The following NEK1 variants were observed in gnomAD, a reference collection of about 807,000 sequenced individuals.
NEK1 encodes the protein serine/threonine-protein kinase Nek1.
A neutral mutation model predicts 182.1 loss-of-function variants in NEK1; 137 were observed. That is an observed-to-expected ratio of 0.75 (90% CI 0.65 to 0.87). The LOEUF is 0.87. Ranked by LOEUF, NEK1 falls within the 40% of genes least tolerant of loss-of-function variation. NEK1 has a pLI of 0.00. For missense variants in NEK1, 1,391 were observed against 1,494.4 expected (o/e 0.93, Z 1.14); for synonymous variants, 513 against 492.2 (o/e 1.04, Z -0.56).
intron 27 of NEK1, among the ~76,000 whole-genome samples, chr4:169,453,665 G>A (rs1165060951): frequency 6.6e-6 from 1 of 152,248 alleles, no homozygotes; most frequent in Non-Finnish European, 1.5e-5. Context: ...TCCTGCTGCA[G>A]TTAACTAGCC....
At chr4:169,577,119 T>TACA (rs1561449063) in intron 11 of NEK1, 40 bp from the exon 12 acceptor site, 1 of 1,595,504 alleles carries the variant, frequency 6.3e-7, no homozygotes. Context: ...TGCAGTTCTT[T>TACA]ACATTAACTC....
At chr4:169,609,902 A>C (rs1052275805) in intron 2 of NEK1, among the ~76,000 whole-genome samples, 2 of 152,208 alleles carry the variant, frequency 1.3e-5, no homozygotes, top group Non-Finnish European at 2.9e-5. Flanking sequence ...TTTGACATTC[A>C]AAGTTTTCTT....
chr4:169,496,211 T>C (rs549177858), intron 23 of NEK1, among the ~76,000 whole-genome samples: 24 of 152,272 alleles, frequency 1.6e-4, no homozygotes, highest in South Asian at 8.3e-4. Flanking sequence ...GTTTGTCTGT[T>C]ATTGGTGTAT....
At position 169,394,485 on chromosome 4, in the gene NEK1, T is replaced by C; in HGVS notation, c.*25A>G. ...CCAAATTCAAATGCTTTCATATAGT[T>C]GAGGATTAAAAAACATTTTGAGGAT... On this transcript the variant is annotated 3_prime_UTR_variant, in exon 36 of 36. Coordinates refer to ENST00000507142, the MANE Select transcript of NEK1 (RefSeq NM_001199397.3). The C allele has an allele frequency of 7.4e-7, 1 of 1,353,528 alleles. No individual in the cohort carries two copies. Among genetic ancestry groups the C allele is most frequent in the Non-Finnish European group, 1.0e-6 (1 of 966,520 alleles). The allele number at this position is 1,353,528 out of a possible 1,614,324, so 83.8% of individuals were successfully genotyped here.
At chr4:169,405,590 T>C (rs1007128857) in intron 32 of NEK1, among the ~76,000 whole-genome samples, 17 of 152,074 alleles carry the variant, frequency 1.1e-4, no homozygotes, top group Non-Finnish European at 1.6e-4. Context: ...AGTCCAGGAG[T>C]TGGAGGCTGC....
At chr4:169,597,662 C>G (rs952642487) in intron 5 of NEK1, among the ~76,000 whole-genome samples, 1 of 151,670 alleles carries the variant, frequency 6.6e-6, no homozygotes, top group Admixed American at 6.6e-5. Context: ...CAGCCAGGCG[C>G]GGTGGCTCAC....
At chr4:169,405,510 C>G (rs545630681) in intron 32 of NEK1, among the ~76,000 whole-genome samples, 1 of 152,324 alleles carries the variant, frequency 6.6e-6, no homozygotes, top group Admixed American at 6.5e-5. Context: ...AATAAATTAA[C>G]TTGGCCAGTC....
intron 28 of NEK1, among the ~76,000 whole-genome samples, chr4:169,436,125 A>G (rs1159382408): frequency 6.6e-6 from 1 of 152,152 alleles, no homozygotes; most frequent in Admixed American, 6.5e-5. Flanking sequence ...GCTGGTCTTG[A>G]ACTCCTGGGC....
intron 23 of NEK1, among the ~76,000 whole-genome samples, chr4:169,495,391 G>A (rs994904612): frequency 4.0e-5 from 6 of 151,728 alleles, no homozygotes; most frequent in Non-Finnish European, 7.4e-5. Flanking sequence ...CTACAGGCGC[G>A]CGCCACCATG....
chr4:169,434,172 T>TA (rs949319072), intron 28 of NEK1, among the ~76,000 whole-genome samples: 8 of 149,706 alleles, frequency 5.3e-5, no homozygotes, highest in African/African-American at 1.7e-4. Flanking sequence ...TGAATGGCAC[T>TA]AAAAATCTAT....
At chr4:169,588,537 G>T in intron 8 of NEK1, 112 bp downstream of exon 8, 1 of 592,096 alleles carries the variant, frequency 1.7e-6, no homozygotes, top group Non-Finnish European at 3.0e-6. Context: ...ATATACATAT[G>T]TGTTTACATG....
At chr4:169,547,432 C>A (rs151266518) in intron 18 of NEK1, among the ~76,000 whole-genome samples, 1,999 of 152,164 alleles carry the variant, frequency 0.013, 40 homozygotes, top group African/African-American at 0.045. Context: ...AACCTTGGTG[C>A]ATCTGACAAT....
At chr4:169,569,451 CCTCCCTCT>C (rs1160180033) in intron 12 of NEK1, among the ~76,000 whole-genome samples, 2 of 127,464 alleles carry the variant, frequency 1.6e-5, no homozygotes, top group Admixed American at 7.3e-5. Context: ...TCTCTCCCTC[CCTCCCTCT>C]CTCCCTCCCT....
chr4:169,608,212 C>G (rs1024974497), intron 2 of NEK1, among the ~76,000 whole-genome samples: 1 of 151,860 alleles, frequency 6.6e-6, no homozygotes, highest in African/African-American at 2.4e-5. Context: ...GGCTTAATAT[C>G]AAAACACATT....
chr4:169,400,058 G>A (rs1488529491), intron 35 of NEK1, 167 bp downstream of exon 35: 1 of 725,000 alleles, frequency 1.4e-6, no homozygotes, highest in Admixed American at 2.1e-5. Flanking sequence ...GTATATGACA[G>A]ATCAGTAAAA....
At chr4:169,557,407 T>C (rs1216024162) in intron 16 of NEK1, among the ~76,000 whole-genome samples, 3 of 151,904 alleles carry the variant, frequency 2.0e-5, no homozygotes, top group Non-Finnish European at 4.4e-5. Flanking sequence ...ACAGAAGTCA[T>C]GGTGAAAGAA....
chr4:169,426,548 C>T (rs1736421516), intron 29 of NEK1, among the ~76,000 whole-genome samples: 1 of 152,180 alleles, frequency 6.6e-6, no homozygotes, highest in African/African-American at 2.4e-5. Context: ...TCAGCCTCAC[C>T]CTTGACCTGT....
At chr4:169,460,911 T>C (rs543838195) in intron 27 of NEK1, among the ~76,000 whole-genome samples, 8 of 152,322 alleles carry the variant, frequency 5.3e-5, no homozygotes, top group Admixed American at 2.6e-4. Flanking sequence ...ATGAGTGTAG[T>C]GTTCACACAA....
chr4:169,412,523 C>T (rs1733844138), intron 31 of NEK1, among the ~76,000 whole-genome samples: 1 of 152,174 alleles, frequency 6.6e-6, no homozygotes. Flanking sequence ...TCACCATTAT[C>T]TTCTACTATT....
Sources: gnomAD v4.1 joint callset for allele counts (sites outside exome capture counted in the v4.1 genomes callset) on GRCh38, gnomAD v4.1.1 for gene constraint, MANE v1.5 for transcripts, NCBI Gene and HGNC (gene_info 2026-07-23, HGNC 2026-07-21) for gene names.